The following NR3C1 variants were observed in gnomAD, a reference collection of about 807,000 sequenced individuals.
NR3C1 encodes nuclear receptor subfamily 3 group C member 1.
A neutral mutation model predicts 74.0 loss-of-function variants in NR3C1; 14 were observed. The observed-to-expected ratio is 0.19, with a 90% CI of 0.12 to 0.30. The LOEUF is 0.30. Ranked by LOEUF, NR3C1 falls within the 10% of genes least tolerant of loss-of-function variation. The probability of loss-of-function intolerance (pLI) is 1.00; values close to 1 mark genes in which losing one functional copy is unlikely to be tolerated. For synonymous variants in NR3C1, 308 were observed against 332.5 expected, an observed-to-expected ratio of 0.93 and a Z score of 0.80; for missense variants, 695 against 909.8, an observed-to-expected ratio of 0.76 and a Z score of 3.04.
chr5:143,316,808 T>G (rs1336135960), intron 2 of NR3C1, among the ~76,000 whole-genome samples: 1 of 152,182 alleles, frequency 6.6e-6, no homozygotes. Flanking sequence ...ACACTGAAGA[T>G]TTTATGAGTA....
At chr5:143,312,569 G>T (rs1222526837) in intron 3 of NR3C1, among the ~76,000 whole-genome samples, 1 of 152,090 alleles carries the variant, frequency 6.6e-6, no homozygotes, top group Non-Finnish European at 1.5e-5. Context: ...AATTTTGAGG[G>T]ATAATCTATA....
chr5:143,417,229 G>A (rs1370413244), intron 1 of NR3C1, among the ~76,000 whole-genome samples: 1 of 152,078 alleles, frequency 6.6e-6, no homozygotes, highest in Non-Finnish European at 1.5e-5. Context: ...ACTGAAACTT[G>A]ATAGCTGAAG....
intron 7 of NR3C1, among the ~76,000 whole-genome samples, chr5:143,286,195 T>A (rs1394664066): frequency 6.6e-6 from 1 of 152,152 alleles, no homozygotes; most frequent in Admixed American, 6.5e-5. Flanking sequence ...AAACATTTGA[T>A]GAACTTGTAC....
rs201513056 is a variant in NR3C1, at chr5:143,400,543, T to C, written c.297A>G (p.Gly99=). ...CCTGCTGTGGGAATCCCAGGTCATTTCCCATCACTTTTGTTTCTGTCTCTC... is the reference window on the plus strand; with the variant it reads ...CCTGCTGTGGGAATCCCAGGTCATTCCCCATCACTTTTGTTTCTGTCTCTC... ...YMGETETKVM[G]NDLGFPQQGQ... The change falls in exon 2 of 9, where the codon GGA becomes GGG. Residue 99 remains glycine, a synonymous_variant. Coordinates refer to ENST00000394464, the MANE Select transcript of NR3C1 (RefSeq NM_000176.3). The C allele has an allele frequency of 1.2e-6, 2 of 1,614,248 alleles. No individual in the cohort carries two copies. Among genetic ancestry groups the C allele is most frequent in the Non-Finnish European group, 1.7e-6 (2 of 1,180,044 alleles).
chr5:143,347,627 C>T (rs879382423), intron 2 of NR3C1, among the ~76,000 whole-genome samples: 1 of 152,186 alleles, frequency 6.6e-6, no homozygotes, highest in African/African-American at 2.4e-5. Flanking sequence ...ACAAGAATTT[C>T]GGCCTGAAAA....
chr5:143,332,640 A>G (rs1450294707), intron 2 of NR3C1: 74 of 1,552,268 alleles, frequency 4.8e-5, no homozygotes, highest in Non-Finnish European at 5.8e-5. Context: ...AAAAGGGCTC[A>G]GGTTTAAGCG....
At chr5:143,375,377 C>T (rs929631264) in intron 2 of NR3C1, among the ~76,000 whole-genome samples, 1 of 152,228 alleles carries the variant, frequency 6.6e-6, no homozygotes, top group East Asian at 1.9e-4. Context: ...GATACATACA[C>T]AGATACACAC....
Position 143,314,241 on chromosome 5 carries a change from C to G in NR3C1, c.1185-73G>C, listed in dbSNP as rs913071994. ...TCAAAATACAGTTCTCTTAGCTTCT[C>G]ACTTCATAGTCAGAATGCTCACAGT... On this transcript the variant is annotated intron_variant, in intron 2 of 8. Coordinates refer to ENST00000394464, the MANE Select transcript of NR3C1 (RefSeq NM_000176.3). The G allele has an allele frequency of 9.4e-6, 14 of 1,489,660 alleles. No homozygotes were observed. In the African/African-American group the frequency reaches 1.8e-4, roughly 19 times the overall value. The allele number at this position is 1,489,660 out of a possible 1,614,324, so 92.3% of individuals were successfully genotyped here. A position where few individuals can be genotyped will look rare whatever the true frequency, so the allele number is the denominator to read the frequency against.
intron 2 of NR3C1, among the ~76,000 whole-genome samples, chr5:143,373,679 T>G (rs1834625387): frequency 6.6e-6 from 1 of 151,728 alleles, no homozygotes; most frequent in Admixed American, 6.6e-5. Context: ...AACTAAATAA[T>G]GTATTATTTA....
At chr5:143,348,952 C>T (rs1829772946) in intron 2 of NR3C1, among the ~76,000 whole-genome samples, 1 of 152,084 alleles carries the variant, frequency 6.6e-6, no homozygotes, top group African/African-American at 2.4e-5. Context: ...TAATTTTTCT[C>T]TCCATGCATG....
chr5:143,303,154 T>G (rs1818842178), intron 4 of NR3C1, among the ~76,000 whole-genome samples: 1 of 143,310 alleles, frequency 7.0e-6, no homozygotes, highest in African/African-American at 2.6e-5. Context: ...TACAAGCACC[T>G]CTATGCACAC....
At chr5:143,357,451 C>T (rs750696411) in intron 2 of NR3C1, among the ~76,000 whole-genome samples, 5 of 152,168 alleles carry the variant, frequency 3.3e-5, no homozygotes, top group South Asian at 2.1e-4. Context: ...AAAAAATACA[C>T]GTTTTACCTA....
At chr5:143,347,678 T>C (rs1325925684) in intron 2 of NR3C1, among the ~76,000 whole-genome samples, 1 of 152,230 alleles carries the variant, frequency 6.6e-6, no homozygotes, top group Non-Finnish European at 1.5e-5. Context: ...AATCACATTC[T>C]CATTGTAGAA....
intron 2 of NR3C1, among the ~76,000 whole-genome samples, chr5:143,330,495 TCATAA>T (rs1825740953): frequency 6.6e-6 from 1 of 152,228 alleles, no homozygotes; most frequent in Admixed American, 6.5e-5. Context: ...GTTTGTATCT[TCATAA>T]AAGTATTGCA....
intron 1 of NR3C1, among the ~76,000 whole-genome samples, chr5:143,401,600 T>C (rs924734179): frequency 1.3e-5 from 2 of 152,222 alleles, no homozygotes; most frequent in Non-Finnish European, 2.9e-5. Context: ...GAAGGTGTAG[T>C]AGTTTCTCAC....
At chr5:143,306,958 G>A (rs1255615209) in intron 4 of NR3C1, among the ~76,000 whole-genome samples, 1 of 130,984 alleles carries the variant, frequency 7.6e-6, no homozygotes. Context: ...GTGCAGTGGC[G>A]CGATCTTGGC....
intron 6 of NR3C1, among the ~76,000 whole-genome samples, chr5:143,296,589 G>C (rs1055261523): frequency 1.3e-5 from 2 of 151,786 alleles, no homozygotes; most frequent in Admixed American, 1.3e-4. Context: ...AGTAGAATAA[G>C]TAAAAACTCA....
chr5:143,394,602 A>G (rs1341155315), intron 2 of NR3C1, among the ~76,000 whole-genome samples: 2 of 152,042 alleles, frequency 1.3e-5, no homozygotes, highest in Non-Finnish European at 1.5e-5. Flanking sequence ...TGAGAAAAAT[A>G]TGAACTTAAT....
chr5:143,380,409 A>T (rs1212818427), intron 2 of NR3C1, among the ~76,000 whole-genome samples: 2 of 152,072 alleles, frequency 1.3e-5, no homozygotes, highest in Non-Finnish European at 2.9e-5. Context: ...ATTTTTTTTT[A>T]AAGTCTTTAT....
Sources: allele counts gnomAD v4.1 joint callset (sites outside exome capture counted in the v4.1 genomes callset), GRCh38; gene constraint gnomAD v4.1.1; transcripts MANE v1.5; gene names NCBI Gene and HGNC (gene_info 2026-07-23, HGNC 2026-07-21).